Variants in SEMA3D observed in about 807,000 individuals in gnomAD.
SEMA3D encodes semaphorin 3D.
A neutral mutation model predicts 100.1 loss-of-function variants in SEMA3D; 84 were observed. That is an observed-to-expected ratio of 0.84 (90% CI 0.70 to 1.01). The LOEUF (loss-of-function observed/expected upper bound fraction) is 1.01. Among genes scored for constraint, SEMA3D ranks in the 50% least tolerant of loss-of-function variants. The pLI is 0.00. For synonymous variants in SEMA3D, 312 were observed against 320.7 expected (o/e 0.97, Z 0.29); for missense variants, 875 against 934.1 (o/e 0.94, Z 0.82).
the SEMA3D span, among the ~76,000 whole-genome samples, chr7:85,196,278 C>T: frequency 2.0e-5 from 3 of 151,894 alleles, no homozygotes; most frequent in African/African-American, 4.8e-5. Context: ...CTACCTCACA[C>T]CCAAACAAAA....
the SEMA3D span, among the ~76,000 whole-genome samples, chr7:85,230,611 C>G: frequency 6.6e-6 from 1 of 152,114 alleles, no homozygotes; most frequent in Non-Finnish European, 1.5e-5. Context: ...AAAAGTATAT[C>G]TCCTATTAAT....
intron 13 of SEMA3D, 128 bp from the exon 14 acceptor site, chr7:85,020,449 G>A: frequency 1.1e-5 from 7 of 657,840 alleles, no homozygotes. Flanking sequence ...CAGATTAAAT[G>A]AAACATGCAT....
the SEMA3D span, among the ~76,000 whole-genome samples, chr7:85,244,173 T>G: frequency 6.7e-6 from 1 of 149,458 alleles, no homozygotes; most frequent in African/African-American, 2.4e-5. Context: ...TGGTGCTGCT[T>G]CATAACAGCA....
chr7:85,096,675 T>A (rs753112531), intron 4 of SEMA3D, among the ~76,000 whole-genome samples: 1 of 151,914 alleles, frequency 6.6e-6, no homozygotes, highest in East Asian at 1.9e-4. Flanking sequence ...AAACCAAATA[T>A]CATTGTTCTA....
the SEMA3D span, among the ~76,000 whole-genome samples, chr7:85,214,193 T>C: frequency 2.6e-5 from 4 of 152,304 alleles, no homozygotes; most frequent in East Asian, 7.7e-4. Flanking sequence ...ACACTTCCCT[T>C]CTCTAACAAC....
chr7:85,107,541 C>G (rs1788966270), intron 3 of SEMA3D, among the ~76,000 whole-genome samples: 2 of 151,978 alleles, frequency 1.3e-5, no homozygotes, highest in South Asian at 4.2e-4. Context: ...AAATACACAC[C>G]CACAACCCCA....
intron 2 of SEMA3D, among the ~76,000 whole-genome samples, chr7:85,150,349 ATATATATATATATATATAT>A (rs1340110549): frequency 2.4e-5 from 3 of 125,622 alleles, no homozygotes; most frequent in South Asian, 5.2e-4. Flanking sequence ...TTCTAGAAAT[ATATATATATATATATATAT>A]TATATATATA....
chr7:85,174,808 T>G (rs1245740877), intron 1 of SEMA3D, among the ~76,000 whole-genome samples: 4 of 152,108 alleles, frequency 2.6e-5, no homozygotes, highest in Non-Finnish European at 1.5e-5. Context: ...TATAAAATTA[T>G]TCCAGTTGAA....
intron 2 of SEMA3D, among the ~76,000 whole-genome samples, chr7:85,136,887 A>C (rs1288561007): frequency 6.6e-6 from 1 of 152,106 alleles, no homozygotes; most frequent in African/African-American, 2.4e-5. Flanking sequence ...GTCTAAAGAC[A>C]TGACTGTAGT....
intron 4 of SEMA3D, among the ~76,000 whole-genome samples, chr7:85,086,333 G>T (rs1269476547): frequency 6.6e-6 from 1 of 151,804 alleles, no homozygotes; most frequent in Non-Finnish European, 1.5e-5. Flanking sequence ...TCATTAAAGA[G>T]ATTTTTTTTA....
intron 1 of SEMA3D, chr7:85,160,081 T>C (rs972364256): frequency 2.2e-6 from 2 of 916,656 alleles, no homozygotes; most frequent in Non-Finnish European, 2.6e-6. Context: ...GAAAATAATA[T>C]ATATCTCAAT....
At chr7:85,196,406 G>A in the SEMA3D span, among the ~76,000 whole-genome samples, 1 of 152,152 alleles carries the variant, frequency 6.6e-6, no homozygotes, top group Non-Finnish European at 1.5e-5. Context: ...AGTAGAAAAA[G>A]GTAGTTTGAA....
intron 5 of SEMA3D, 129 bp from the exon 6 acceptor site, chr7:85,073,210 G>T (rs548579689): frequency 6.0e-6 from 5 of 835,420 alleles, no homozygotes; most frequent in Non-Finnish European, 9.5e-6. Flanking sequence ...AGATTTATGA[G>T]AAATTCTAGA....
intron 2 of SEMA3D, chr7:85,141,081 G>A (rs1325604269): frequency 6.5e-6 from 6 of 928,826 alleles, no homozygotes; most frequent in Non-Finnish European, 7.7e-6. Flanking sequence ...TTAATATTCA[G>A]TTCACATTAA....
chr7:85,039,764 A>G (rs1252321861), intron 11 of SEMA3D, among the ~76,000 whole-genome samples: 1 of 152,140 alleles, frequency 6.6e-6, no homozygotes, highest in Admixed American at 6.6e-5. Flanking sequence ...TGAAATAGTC[A>G]TAACAGCCAC....
chr7:85,137,375 G>A (rs1789898508), intron 2 of SEMA3D, among the ~76,000 whole-genome samples: 1 of 151,502 alleles, frequency 6.6e-6, no homozygotes, highest in Admixed American at 6.6e-5. Flanking sequence ...ATACATAGGG[G>A]TGTGTGTGTG....
chr7:85,179,696 C>G (rs1290486504), intron 1 of SEMA3D, among the ~76,000 whole-genome samples: 1 of 145,918 alleles, frequency 6.9e-6, no homozygotes, highest in East Asian at 2.0e-4. Context: ...GAATCTCGCT[C>G]TTTTGCCCAG....
chr7:85,045,377 T>C (rs1264293588), intron 9 of SEMA3D, among the ~76,000 whole-genome samples: 1 of 152,042 alleles, frequency 6.6e-6, no homozygotes, highest in African/African-American at 2.4e-5. Flanking sequence ...AAAAATTTAG[T>C]AATTGGCAAA....
chr7:85,046,850 A>T (rs1791022315), intron 9 of SEMA3D, among the ~76,000 whole-genome samples: 1 of 151,952 alleles, frequency 6.6e-6, no homozygotes. Flanking sequence ...TATTTTTGTG[A>T]AGTTCTAAAG....
Sources: gnomAD v4.1 joint callset for allele counts (sites outside exome capture counted in the v4.1 genomes callset) on GRCh38, gnomAD v4.1.1 for gene constraint, MANE v1.5 for transcripts, NCBI Gene and HGNC (gene_info 2026-07-23, HGNC 2026-07-21) for gene names.